The following NEBL variants were observed in gnomAD, a reference collection of about 807,000 sequenced individuals.
NEBL encodes LIM and SH3 protein 2.
A neutral mutation model predicts 140.2 loss-of-function variants in NEBL; 122 were observed. The ratio of observed to expected loss-of-function variants is 0.87; its 90% CI spans 0.75 to 1.01. The LOEUF is 1.01. Among genes scored for constraint, NEBL ranks in the 50% least tolerant of loss-of-function variants. The pLI, the probability that NEBL is intolerant of heterozygous loss-of-function variation, is 0.00. For synonymous variants in NEBL, 436 were observed against 398.9 expected (o/e 1.09, Z -1.11); for missense variants, 1,365 against 1,231.3 (o/e 1.11, Z -1.62).
At chr10:21,164,720 T>C (rs758675862) in intron 2 of NEBL, among the ~76,000 whole-genome samples, 1 of 152,238 alleles carries the variant, frequency 6.6e-6, no homozygotes, top group Non-Finnish European at 1.5e-5. Context: ...ATGCATTAGA[T>C]GTTGCCAACG....
At chr10:21,060,604 T>A (rs150397941) in intron 2 of NEBL, among the ~76,000 whole-genome samples, 2,028 of 152,178 alleles carry the variant, frequency 0.013, 29 homozygotes, top group African/African-American at 0.026. Flanking sequence ...TCATTTTTTT[T>A]AAAAATCCCC....
intron 3 of NEBL, among the ~76,000 whole-genome samples, chr10:20,995,244 G>A (rs1837621592): frequency 6.6e-6 from 1 of 152,182 alleles, no homozygotes; most frequent in African/African-American, 2.4e-5. Context: ...AGAGCTGACA[G>A]AGCCGGCATG....
intron 2 of NEBL, among the ~76,000 whole-genome samples, chr10:21,072,022 T>G (rs1835841320): frequency 6.6e-6 from 1 of 152,152 alleles, no homozygotes; most frequent in Admixed American, 6.5e-5. Flanking sequence ...TTCACCATGT[T>G]GGCCAGGCTG....
chr10:21,284,036 TAAAAAAA>T lies in NEBL; in HGVS notation n.182+8787_182+8793del, dbSNP rs5783774. Among the ~76,000 whole-genome samples, 35 of 67,606 alleles carry T rather than the reference TAAAAAAA, an allele frequency of 5.2e-4. 1 individual carries two copies. In the East Asian group the frequency reaches 0.013, roughly 25 times the overall value. 44.4% of individuals were successfully genotyped at this position (67,606 alleles called of 152,430 possible). ...CAACATAGCAAAACCTAATCTGCAC[TAAAAAAA>T]AAAAAAAAAAAAAAAAATGAGCCAG... On this transcript the variant is annotated intron_variant and non_coding_transcript_variant, in intron 1 of 8. Coordinates refer to the NEBL transcript ENST00000675702.
At chr10:21,165,628 T>C (rs1840727921) in intron 2 of NEBL, among the ~76,000 whole-genome samples, 1 of 152,100 alleles carries the variant, frequency 6.6e-6, no homozygotes, top group African/African-American at 2.4e-5. Flanking sequence ...ACGTGCCCAA[T>C]CTCGTCTACG....
chr10:21,272,830 C>T (rs551489045), intron 1 of NEBL, among the ~76,000 whole-genome samples: 2 of 152,106 alleles, frequency 1.3e-5, no homozygotes, highest in African/African-American at 4.8e-5. Flanking sequence ...CCTCCCTGGA[C>T]AGTTGAGCGT....
At position 20,824,949 on chromosome 10, in the gene NEBL, C is replaced by A. The variant is rs115630327; in HGVS notation, c.1869+1498G>T. Reference sequence around the variant, plus strand: ...TGAATATTTTATACTTCTCTCCCAACCTAATTCATCTACCAGGCTAACACA... The same window carrying A: ...TGAATATTTTATACTTCTCTCCCAAACTAATTCATCTACCAGGCTAACACA... On this transcript the variant is annotated intron_variant, in intron 18 of 27. Coordinates refer to ENST00000377122, the MANE Select transcript of NEBL (RefSeq NM_006393.3). Among the ~76,000 whole-genome samples, 691 of 152,188 alleles carry A rather than the reference C, an allele frequency of 4.5e-3. 3 individuals carry two copies. The highest frequency in any genetic ancestry group is 0.016 in the African/African-American group (666 of 41,528).
At chr10:20,938,787 G>A (rs973497232) in intron 4 of NEBL, among the ~76,000 whole-genome samples, 6 of 152,174 alleles carry the variant, frequency 3.9e-5, no homozygotes, top group East Asian at 1.9e-4. Context: ...ACTACGTGAC[G>A]AATGCACGAG....
chr10:21,194,236 T>C (rs1160483868), intron 3 of NEBL, among the ~76,000 whole-genome samples: 1 of 152,164 alleles, frequency 6.6e-6, no homozygotes. Flanking sequence ...CTTCCCAAAG[T>C]ACTGGGATTA....
intron 4 of NEBL, among the ~76,000 whole-genome samples, chr10:20,959,182 C>G (rs1835939538): frequency 6.6e-6 from 1 of 152,106 alleles, no homozygotes; most frequent in Non-Finnish European, 1.5e-5. Flanking sequence ...AACATAAAGA[C>G]AGCAAAGACT....
In NEBL at chr10:20,781,712, G is replaced by A. The variant is rs759439133; in HGVS notation, c.*4035C>T. The A allele has an allele frequency of 6.6e-6, 1 of 152,536 alleles. No individual in the cohort carries two copies. The highest frequency in any genetic ancestry group is 1.5e-5 in the Non-Finnish European group (1 of 68,024). 9.4% of individuals were successfully genotyped at this position (152,536 alleles called of 1,614,324 possible). A position where few individuals can be genotyped will look rare whatever the true frequency, so the allele number is the denominator to read the frequency against. Reference sequence around the variant, plus strand: ...TAAGCATCACAGAATAATAACCACAGAAGCAACATACAATGCCTTGACTTT... The same window carrying A: ...TAAGCATCACAGAATAATAACCACAAAAGCAACATACAATGCCTTGACTTT... On this transcript the variant is annotated 3_prime_UTR_variant, in exon 28 of 28. Transcript: ENST00000377122.
chr10:20,858,645 C>T (rs1264789748), intron 8 of NEBL, among the ~76,000 whole-genome samples: 1 of 152,104 alleles, frequency 6.6e-6, no homozygotes, highest in Non-Finnish European at 1.5e-5. Flanking sequence ...AGAGAATAGC[C>T]ACTTTATTCT....
At chr10:21,084,215 C>T (rs1221804703) in intron 2 of NEBL, among the ~76,000 whole-genome samples, 1 of 152,172 alleles carries the variant, frequency 6.6e-6, no homozygotes, top group African/African-American at 2.4e-5. Flanking sequence ...TTCATTTAAC[C>T]GCAAGTGGTC....
At chr10:21,020,283 C>A (rs1159756683) in intron 2 of NEBL, 5 of 1,203,300 alleles carry the variant, frequency 4.2e-6, no homozygotes, top group African/African-American at 1.5e-5. Flanking sequence ...TTTGCACATC[C>A]CCCCTTTTCC....
intron 22 of NEBL, among the ~76,000 whole-genome samples, chr10:20,814,609 TACACACATAC>T (rs1398148106): frequency 1.0e-5 from 1 of 98,314 alleles, no homozygotes; most frequent in East Asian, 4.2e-4. Context: ...AACACACACA[TACACACATAC>T]ACACACACAC....
chr10:20,935,399 C>A (rs940153936), intron 4 of NEBL, among the ~76,000 whole-genome samples: 1 of 152,200 alleles, frequency 6.6e-6, no homozygotes, highest in African/African-American at 2.4e-5. Flanking sequence ...CGATTATCAG[C>A]ATCTCTTCAT....
rs2697027 is a variant in NEBL at position 20,787,356 on chromosome 10, C to G, written c.2762-48G>C. ...CACAAAGATTCCTTAAAGTTAGCCT[C>G]GAAATACCCATCCCAAACCCTCAGA... On this transcript the variant is annotated intron_variant, in intron 26 of 27. Transcript: ENST00000377122. The G allele has an allele frequency of 0.063, 90,390 of 1,437,142 alleles. 3,308 individuals are homozygous for G. Among genetic ancestry groups the G allele is most frequent in the Non-Finnish European group, 0.078 (79,918 of 1,029,432 alleles). 89.0% of individuals were successfully genotyped at this position (1,437,142 alleles called of 1,614,324 possible). A position where few individuals can be genotyped will look rare whatever the true frequency, so the allele number is the denominator to read the frequency against.
chr10:21,048,156 TTG>T (rs1173149019), intron 2 of NEBL, among the ~76,000 whole-genome samples: 1 of 152,168 alleles, frequency 6.6e-6, no homozygotes, highest in Admixed American at 6.5e-5. Context: ...CCCTTGTCAT[TTG>T]CATGGGCAAT....
chr10:20,957,084 C>T (rs1835841537), intron 4 of NEBL, among the ~76,000 whole-genome samples: 1 of 152,180 alleles, frequency 6.6e-6, no homozygotes, highest in African/African-American at 2.4e-5. Context: ...AGATAATTGT[C>T]CCTACCCTCA....
Sources: gnomAD v4.1 joint callset for allele counts (sites outside exome capture counted in the v4.1 genomes callset) on GRCh38, gnomAD v4.1.1 for gene constraint, MANE v1.5 for transcripts, NCBI Gene and HGNC (gene_info 2026-07-23, HGNC 2026-07-21) for gene names.